Variants in ZNF540 observed in about 807,000 individuals in gnomAD.
ZNF540 encodes zinc finger protein 540.
Under a neutral mutation model 11.8 loss-of-function variants are expected in ZNF540, and 3 were observed. That is an observed-to-expected ratio of 0.25 (90% confidence interval 0.12 to 0.65). The LOEUF is 0.65. Ranked by LOEUF, ZNF540 falls within the 30% of genes least tolerant of loss-of-function variation. The probability of loss-of-function intolerance (pLI) is 0.83; values close to 1 mark genes in which losing one functional copy is unlikely to be tolerated. For missense variants in ZNF540, 709 were observed against 793.1 expected (o/e 0.89, Z 1.27); for synonymous variants, 247 against 259.0 (o/e 0.95, Z 0.45).
chr19:37,552,654 A>G lies in ZNF540; in HGVS notation c.-73+989A>G, dbSNP rs73617125. Among the ~76,000 whole-genome samples, 901 of 152,238 alleles carry G rather than the reference A, an allele frequency of 5.9e-3. 10 individuals carry two copies. Among genetic ancestry groups the G allele is most frequent in the African/African-American group, 0.02 (851 of 41,524 alleles). Reference sequence around the variant, plus strand: ...GGTAATATTCTTTGTTTCAAAGACAATTTGTTGTGAGGGCCGGGTGCAGTG... The same window carrying G: ...GGTAATATTCTTTGTTTCAAAGACAGTTTGTTGTGAGGGCCGGGTGCAGTG... On this transcript the variant is annotated intron_variant, in intron 1 of 4. Transcript: ENST00000592533.
intron 4 of ZNF540, among the ~76,000 whole-genome samples, chr19:37,603,787 T>TA (rs1019648444): frequency 3.9e-5 from 6 of 152,310 alleles, no homozygotes; most frequent in African/African-American, 1.4e-4. Flanking sequence ...TCTGTCAATG[T>TA]AAAAAATAAT....
In ZNF540 at chr19:37,594,919, G is replaced by C. The variant is rs2147221640; in HGVS notation, c.-249G>C. The stretch of plus-strand genomic sequence containing the variant: ...CGCTCCAGAACAGAACGATCCCTGA[G>C]GCTCCCTTGCTCGAACTGTGGGACT... On this transcript the variant is annotated 5_prime_UTR_variant, in exon 1 of 5. Transcript: ENST00000316433. 1 of 152,334 alleles carries C rather than the reference G, an allele frequency of 6.6e-6. No homozygotes were observed. The highest frequency in any genetic ancestry group is 6.5e-5 in the Admixed American group (1 of 15,290). 9.4% of individuals were successfully genotyped at this position (152,334 alleles called of 1,614,324 possible).
At chr19:37,606,375 C>T (rs1441905290) in intron 4 of ZNF540, among the ~76,000 whole-genome samples, 1 of 152,192 alleles carries the variant, frequency 6.6e-6, no homozygotes, top group African/African-American at 2.4e-5. Flanking sequence ...AATAATGCTA[C>T]TATAAACATG....
rs1313551242 is a variant in ZNF540 at position 37,604,022 on chromosome 19, T to C, written c.232+2917T>C. ...TTCTGCTTAGTTGTTTTGCTTATCA[T>C]AATTTTATAAAAAGGATAAGATAAC... On this transcript the variant is annotated intron_variant, in intron 4 of 4. Transcript: ENST00000316433. 2.1e-5 allele frequency among the ~76,000 whole-genome samples: 3 copies of C among 144,734 alleles called. No homozygotes were observed. The East Asian group carries it at 7.4e-4, about 36-fold the overall frequency. The allele number at this position is 144,734 out of a possible 152,430, so 95.0% of individuals were successfully genotyped here.
At chr19:37,600,348 C>T (rs537782476) in intron 3 of ZNF540, among the ~76,000 whole-genome samples, 5 of 152,222 alleles carry the variant, frequency 3.3e-5, no homozygotes, top group South Asian at 2.1e-4. Flanking sequence ...CAAACCTGCA[C>T]GTATGGCCCT....
chr19:37,566,369 G>T, intron 1 of ZNF540: 1 of 1,461,884 alleles, frequency 6.8e-7, no homozygotes, highest in Non-Finnish European at 9.2e-7. Flanking sequence ...AATGATAGAT[G>T]AAAATAATTC....
chr19:37,592,233 G>A (rs2043888184), upstream of ZNF540, among the ~76,000 whole-genome samples: 1 of 152,142 alleles, frequency 6.6e-6, no homozygotes, highest in South Asian at 2.1e-4. Context: ...ACTCCAGCCT[G>A]GGCGACAGAG....
At chr19:37,571,208 A>G (rs965075498) in intron 1 of ZNF540, among the ~76,000 whole-genome samples, 1 of 152,114 alleles carries the variant, frequency 6.6e-6, no homozygotes, top group African/African-American at 2.4e-5. Flanking sequence ...TACAAATTCA[A>G]ACTACGATTC....
At position 37,611,873 on chromosome 19, in the gene ZNF540, A is replaced by G; in HGVS notation, c.593A>G (p.Asn198Ser). 1 of 1,613,920 alleles carries G rather than the reference A, an allele frequency of 6.2e-7. No homozygotes were observed. The highest frequency in any genetic ancestry group is 8.5e-7 in the Non-Finnish European group (1 of 1,179,952). ...AAAGAATGTGGGAGTACTTTTAATA[A>G]TGTCTATCAGCTTACTCTCCATCAG... Reference protein sequence around the residue: ...DCKECGSTFNNVYQLTLHQKI... With the variant: ...DCKECGSTFNSVYQLTLHQKI... The change falls in exon 5 of 5, where the codon AAT becomes AGT. Residue 198 changes from asparagine to serine, a missense_variant. By Grantham distance (46) the Asn-to-Ser change is conservative. Coordinates refer to ENST00000316433, the MANE Select transcript of ZNF540 (RefSeq NM_001172225.3).
chr19:37,568,004 G>A (rs533527482), intron 1 of ZNF540, among the ~76,000 whole-genome samples: 85 of 152,160 alleles, frequency 5.6e-4, no homozygotes, highest in South Asian at 1.2e-3. Context: ...TCCCAAAGAA[G>A]TACCTCAAAA....
chr19:37,597,991 C>G (rs757339215), intron 1 of ZNF540, among the ~76,000 whole-genome samples: 6 of 152,220 alleles, frequency 3.9e-5, no homozygotes, highest in Non-Finnish European at 7.3e-5. Flanking sequence ...CCAGGAAGCT[C>G]CTAAGGCCAT....
rs753834865 is a variant in ZNF540 at position 37,565,172 on chromosome 19, T to C, written c.-73+13507T>C. The C allele has an allele frequency of 1.9e-6, 3 of 1,613,460 alleles. No homozygotes were observed. The African/African-American group carries it at 4.0e-5, about 22-fold the overall frequency. On this transcript the variant is annotated intron_variant, in intron 1 of 4. Transcript: ENST00000592533. ...GGCCTTTCCACATTCCTTACATTTGTAGGGCTTCTCTCCGGTATGAATTCT... is the reference window on the plus strand; with the variant it reads ...GGCCTTTCCACATTCCTTACATTTGCAGGGCTTCTCTCCGGTATGAATTCT...
intron 2 of ZNF540, 30 bp from the exon 3 acceptor site, chr19:37,599,596 C>A (rs376998866): frequency 1.3e-4 from 209 of 1,613,012 alleles, no homozygotes; most frequent in Non-Finnish European, 1.7e-4. Flanking sequence ...TCTGTAATTT[C>A]ACCAGTAATA....
At chr19:37,553,013 T>G (rs947438608) in intron 1 of ZNF540, among the ~76,000 whole-genome samples, 4 of 148,844 alleles carry the variant, frequency 2.7e-5, no homozygotes, top group African/African-American at 9.8e-5. Flanking sequence ...CATGGTGTTT[T>G]TTTTTTTTTT....
intron 4 of ZNF540, among the ~76,000 whole-genome samples, chr19:37,601,436 A>C (rs1179157650): frequency 1.3e-5 from 2 of 152,184 alleles, no homozygotes; most frequent in Non-Finnish European, 2.9e-5. Context: ...CTAATGCCTA[A>C]AAGTTCAGTC....
intron 4 of ZNF540, among the ~76,000 whole-genome samples, chr19:37,605,647 C>T (rs1358724113): frequency 1.3e-5 from 2 of 151,722 alleles, no homozygotes; most frequent in Non-Finnish European, 1.5e-5. Context: ...AAACTCTTGT[C>T]GCAAAAAAAA....
At chr19:37,593,702 C>T (rs2043934165), upstream of ZNF540, among the ~76,000 whole-genome samples, 1 of 152,050 alleles carries the variant, frequency 6.6e-6, no homozygotes, top group Non-Finnish European at 1.5e-5. Context: ...GAATCCGTCT[C>T]AAAAAGCAAA....
At chr19:37,584,253 C>T in intron 1 of ZNF540, 2 of 906,380 alleles carry the variant, frequency 2.2e-6, no homozygotes, top group South Asian at 3.4e-5. Flanking sequence ...TCTATCATTC[C>T]TATTGCCACA....
chr19:37,613,307 A>G lies in ZNF540; in HGVS notation c.*44A>G. 1.5e-6 allele frequency: 2 copies of G among 1,341,610 alleles called. No homozygotes were observed. The highest frequency in any genetic ancestry group is 9.8e-7 in the Non-Finnish European group (1 of 1,018,676). 83.1% of individuals were successfully genotyped at this position (1,341,610 alleles called of 1,614,324 possible). ...TGTCATGCTCTATTTATAGAATATC[A>G]AAATATTTATGGCCAGAAGTTCTGT... On this transcript the variant is annotated 3_prime_UTR_variant, in exon 5 of 5. Transcript: ENST00000316433.
Sources: allele counts gnomAD v4.1 joint callset (sites outside exome capture counted in the v4.1 genomes callset), GRCh38; gene constraint gnomAD v4.1.1; transcripts MANE v1.5; gene names NCBI Gene and HGNC (gene_info 2026-07-23, HGNC 2026-07-21).